The following KIF1B variants were observed in gnomAD, a reference collection of about 807,000 sequenced individuals.
KIF1B encodes kinesin-like protein KIF1B.
A neutral mutation model predicts 241.9 loss-of-function variants in KIF1B; 76 were observed. The ratio of observed to expected loss-of-function variants is 0.31; its 90% CI spans 0.26 to 0.38. KIF1B has a LOEUF of 0.38. Among genes scored for constraint, KIF1B ranks in the 10% least tolerant of loss-of-function variants. The pLI, the probability that KIF1B is intolerant of heterozygous loss-of-function variation, is 1.00. For synonymous variants in KIF1B, 750 were observed against 796.7 expected, an observed-to-expected ratio of 0.94 and a Z score of 0.99; for missense variants, 1,622 against 2,271.4, an observed-to-expected ratio of 0.71 and a Z score of 5.81.
At chr1:10,361,613 T>C in intron 39 of KIF1B, 79 bp from the exon 40 acceptor site, 5 of 1,577,714 alleles carry the variant, frequency 3.2e-6, no homozygotes, top group Non-Finnish European at 4.3e-6. Flanking sequence ...GGGACTCGCT[T>C]TCCAAATACG....
At chr1:10,252,702 G>A (rs1647531508) in intron 2 of KIF1B, among the ~76,000 whole-genome samples, 1 of 150,452 alleles carries the variant, frequency 6.6e-6, no homozygotes, top group South Asian at 2.1e-4. Context: ...GTGAGTCACC[G>A]AGCCAGGTCA....
rs1646679506 is a variant in KIF1B, at chr1:10,210,633, G to A, written c.-325G>A. On this transcript the variant is annotated 5_prime_UTR_variant, in exon 1 of 49. Transcript: ENST00000676179. This position sits in a 1 kb window ranked among gnomAD's most constrained non-coding sequence, Gnocchi z 4.1. ...TCGGAGCAGCTCCCCGTCCTCCGCA[G>A]CCGTCACCGCCGGCCGTCGCCGCGC... Among the ~76,000 whole-genome samples the A allele has an allele frequency of 6.7e-6, 1 of 150,132 alleles. No individual in the cohort carries two copies. Among genetic ancestry groups the A allele is most frequent in the Non-Finnish European group, 1.5e-5 (1 of 67,282 alleles).
At chr1:10,328,782 C>T (rs1569836537) in intron 27 of KIF1B, among the ~76,000 whole-genome samples, 1 of 152,330 alleles carries the variant, frequency 6.6e-6, no homozygotes, top group Non-Finnish European at 1.5e-5. Flanking sequence ...AGCCTTGGGT[C>T]CTAGGCCATC....
In KIF1B at chr1:10,220,393, TAGATGATAGATA is replaced by T. The variant is rs1227474433; in HGVS notation, c.-80+9516_-80+9527del. The stretch of plus-strand genomic sequence containing the variant: ...TTCAATAGATAGATAGATAGATAGA[TAGATGATAGATA>T]GATAGATAGATAGATAGATAGATAG... On this transcript the variant is annotated intron_variant, in intron 1 of 48. Coordinates refer to ENST00000676179, the MANE Select transcript of KIF1B (RefSeq NM_001365951.3). Among the ~76,000 whole-genome samples the T allele has an allele frequency of 6.1e-5, 8 of 130,542 alleles. No homozygotes were observed. The East Asian group carries it at 1.5e-3, about 24-fold the overall frequency. 85.6% of individuals were successfully genotyped at this position (130,542 alleles called of 152,430 possible).
At chr1:10,338,127 T>C (rs1172464653) in intron 31 of KIF1B, among the ~76,000 whole-genome samples, 4 of 152,150 alleles carry the variant, frequency 2.6e-5, no homozygotes, top group African/African-American at 9.7e-5. Flanking sequence ...TCAGTTTTAA[T>C]ACCTCCAAAC....
intron 22 of KIF1B, chr1:10,307,160 T>C: frequency 9.7e-7 from 1 of 1,030,674 alleles, no homozygotes; most frequent in Non-Finnish European, 1.2e-6. Context: ...TTGACTGCCA[T>C]GTATGTCCCA....
chr1:10,333,691 C>G (rs1248001086), intron 27 of KIF1B, among the ~76,000 whole-genome samples: 2 of 151,986 alleles, frequency 1.3e-5, no homozygotes, highest in African/African-American at 2.4e-5. Flanking sequence ...GACTCCATCT[C>G]AAAATCAGAC....
intron 1 of KIF1B, among the ~76,000 whole-genome samples, chr1:10,211,245 A>G (rs1384791262): frequency 6.6e-6 from 1 of 152,184 alleles, no homozygotes; most frequent in African/African-American, 2.4e-5. Context: ...GTTTGAAGCC[A>G]TCGTTTCTCA....
chr1:10,275,598 C>G, intron 11 of KIF1B, 95 bp downstream of exon 11: 5 of 809,480 alleles, frequency 6.2e-6, no homozygotes, highest in South Asian at 1.3e-5. Context: ...CAAATAATCT[C>G]TAGATATTCA....
At chr1:10,293,972 C>T (rs1650136044) in intron 17 of KIF1B, among the ~76,000 whole-genome samples, 1 of 152,188 alleles carries the variant, frequency 6.6e-6, no homozygotes, top group Non-Finnish European at 1.5e-5. Context: ...ATGCTACTCA[C>T]AAAGGGCTTT....
At chr1:10,349,145 G>GA (rs1415725818) in intron 37 of KIF1B, among the ~76,000 whole-genome samples, 1 of 152,140 alleles carries the variant, frequency 6.6e-6, no homozygotes, top group Non-Finnish European at 1.5e-5. Flanking sequence ...GGGCATAAAA[G>GA]AAATCTCTGC....
Position 10,326,150 on chromosome 1 carries a change from C to T in KIF1B, c.2715C>T (p.Ala905=), listed in dbSNP as rs143046587. The T allele has an allele frequency of 5.0e-5, 81 of 1,613,966 alleles. No individual in the cohort carries two copies. Among genetic ancestry groups the T allele is most frequent in the Non-Finnish European group, 6.5e-5 (77 of 1,180,016 alleles). ...ACGGCTGTGTGAACGAGCGCCTTGC[C>T]GACCGCACACCCTCCCCCACTTTTT... ...IFHGCVNERL[A]DRTPSPTFST... Residue 905 remains alanine, a synonymous_variant, in exon 27 of 49, where the codon GCC becomes GCT. Coordinates refer to ENST00000676179, the MANE Select transcript of KIF1B (RefSeq NM_001365951.3). This position sits in a 1 kb window ranked among gnomAD's most constrained non-coding sequence, Gnocchi z 5.2.
At chr1:10,369,496 TGTG>T (rs963212886) in intron 44 of KIF1B, among the ~76,000 whole-genome samples, 17 of 152,166 alleles carry the variant, frequency 1.1e-4, no homozygotes, top group Admixed American at 9.8e-4. Flanking sequence ...ATTAGCCAAA[TGTG>T]GTGGTACACA....
intron 22 of KIF1B, chr1:10,299,125 A>G (rs1296335318): frequency 1.3e-5 from 2 of 149,214 alleles, no homozygotes; most frequent in Non-Finnish European, 3.0e-5. Flanking sequence ...CAAGACAAAC[A>G]AAAAAAAAGA....
At chr1:10,292,148 A>G in intron 17 of KIF1B, 26 bp downstream of exon 17, 1 of 1,581,412 alleles carries the variant, frequency 6.3e-7, no homozygotes, top group Non-Finnish European at 8.7e-7. Context: ...GTGAAACCTA[A>G]TCAGACAGAG....
chr1:10,258,615 A>G lies in KIF1B; in HGVS notation c.306A>G (p.Gly102=). The change falls in exon 4 of 49, where the codon GGA becomes GGG. Residue 102 remains glycine, a synonymous_variant. Transcript: ENST00000676179. Reference sequence around the variant, plus strand: ...TTGCCTATGGGCAGACTGGTGCTGGAAAATCTTATACAATGATGGGTAAAC... The same window carrying G: ...TTGCCTATGGGCAGACTGGTGCTGGGAAATCTTATACAATGATGGGTAAAC... The part of the protein sequence containing the change: ...CIFAYGQTGA[G]KSYTMMGKQE... 1 of 1,614,182 alleles carries G rather than the reference A, an allele frequency of 6.2e-7. No individual in the cohort carries two copies. The highest frequency in any genetic ancestry group is 8.5e-7 in the Non-Finnish European group (1 of 1,180,020).
At chr1:10,352,453 A>T (rs1378440087) in intron 37 of KIF1B, among the ~76,000 whole-genome samples, 178 bp from the exon 38 acceptor site, 1 of 152,236 alleles carries the variant, frequency 6.6e-6, no homozygotes, top group African/African-American at 2.4e-5. Context: ...ATATGGTTTC[A>T]TAGTTAACTC....
intron 5 of KIF1B, among the ~76,000 whole-genome samples, chr1:10,265,203 T>G (rs1264293146): frequency 3.3e-5 from 1 of 30,376 alleles, no homozygotes; most frequent in East Asian, 5.6e-4. Context: ...AAATGGATTT[T>G]ATTTATTTAT....
Position 10,376,702 on chromosome 1 carries a change from T to G in KIF1B, c.*115T>G. The G allele has an allele frequency of 9.7e-7, 1 of 1,030,202 alleles. No homozygotes were observed. The highest frequency in any genetic ancestry group is 2.4e-5 in the East Asian group (1 of 41,788). The allele number at this position is 1,030,202 out of a possible 1,614,324, so 63.8% of individuals were successfully genotyped here. On this transcript the variant is annotated 3_prime_UTR_variant, in exon 49 of 49. Coordinates refer to ENST00000676179, the MANE Select transcript of KIF1B (RefSeq NM_001365951.3). ...GTATGTAATCCTGTGGCTTAACTAC[T>G]TCTCCCTCCTTGTCCAGCACTTTTC...
Sources: gnomAD v4.1 joint callset for allele counts (sites outside exome capture counted in the v4.1 genomes callset) on GRCh38, gnomAD v4.1.1 for gene constraint, Gnocchi (gnomAD v3.1) non-coding constraint, MANE v1.5 for transcripts, NCBI Gene and HGNC (gene_info 2026-07-23, HGNC 2026-07-21) for gene names.